PCDH9: variants seen among roughly 807,000 people sequenced by gnomAD.
PCDH9 encodes protocadherin-9.
A neutral mutation model predicts 70.6 loss-of-function variants in PCDH9; 24 were observed. The ratio of observed to expected loss-of-function variants is 0.34; its 90% CI spans 0.25 to 0.48. The LOEUF (loss-of-function observed/expected upper bound fraction) is 0.48. PCDH9 is among the 20% of genes least tolerant of loss of function. The pLI is 0.99. For missense variants in PCDH9, 1,281 were observed against 1,503.6 expected (o/e 0.85, Z 2.45); for synonymous variants, 562 against 558.5 (o/e 1.01, Z -0.09).
intron 3 of PCDH9, among the ~76,000 whole-genome samples, chr13:66,868,341 G>A (rs1015621555): frequency 6.6e-6 from 1 of 151,402 alleles, no homozygotes; most frequent in Non-Finnish European, 1.5e-5. Context: ...TGACTAACTC[G>A]TTTTCAAGTC....
chr13:66,616,262 T>G (rs570166472), intron 4 of PCDH9, among the ~76,000 whole-genome samples: 28 of 152,326 alleles, frequency 1.8e-4, no homozygotes, highest in Non-Finnish European at 3.7e-4. Flanking sequence ...TTATCTGAGA[T>G]TCTTGTGGAA....
chr13:67,006,022 T>C (rs990184058), intron 2 of PCDH9, among the ~76,000 whole-genome samples: 2 of 152,140 alleles, frequency 1.3e-5, no homozygotes, highest in African/African-American at 2.4e-5. Flanking sequence ...GTCAGGAGAC[T>C]GAGACCATCC....
intron 2 of PCDH9, among the ~76,000 whole-genome samples, chr13:66,910,942 T>G (rs958112612): frequency 6.6e-6 from 1 of 152,178 alleles, no homozygotes; most frequent in Non-Finnish European, 1.5e-5. Flanking sequence ...AGGCTTTTCT[T>G]AAGAAACTTT....
At chr13:66,630,132 TAAAC>T (rs892921390) in intron 4 of PCDH9, among the ~76,000 whole-genome samples, 5 of 152,212 alleles carry the variant, frequency 3.3e-5, no homozygotes, top group Admixed American at 2.0e-4. Flanking sequence ...TAAGATGAGT[TAAAC>T]AAACAAACAA....
At position 66,527,791 on chromosome 13, in the gene PCDH9, G is replaced by A. The variant is rs538850192; in HGVS notation, c.3340+103419C>T. ...CCAGCACTCTGGGAGGCCAAGGCGG[G>A]CAGATCACTTGAGGTCAGGAGTTCA... On this transcript the variant is annotated intron_variant, in intron 4 of 4. Coordinates refer to ENST00000377865, the MANE Select transcript of PCDH9 (RefSeq NM_203487.3). Among the ~76,000 whole-genome samples the A allele has an allele frequency of 2.0e-5, 3 of 152,256 alleles. No individual in the cohort carries two copies. In the East Asian group the frequency reaches 5.8e-4, roughly 29 times the overall value.
At chr13:66,541,477 GA>G (rs889527488) in intron 4 of PCDH9, among the ~76,000 whole-genome samples, 13 of 151,946 alleles carry the variant, frequency 8.6e-5, no homozygotes, top group East Asian at 3.9e-4. Flanking sequence ...AAGGCACTAG[GA>G]AAAAAAATAT....
chr13:66,969,864 A>G (rs1318572524), intron 2 of PCDH9, among the ~76,000 whole-genome samples: 1 of 152,028 alleles, frequency 6.6e-6, no homozygotes, highest in African/African-American at 2.4e-5. Flanking sequence ...GCTGCTTTTT[A>G]TTTTGGAGAG....
chr13:66,767,939 C>A (rs2079744872), intron 3 of PCDH9, among the ~76,000 whole-genome samples: 1 of 152,014 alleles, frequency 6.6e-6, no homozygotes, highest in South Asian at 2.1e-4. Context: ...GTACAGTGGG[C>A]AGACTTGAAA....
intron 4 of PCDH9, among the ~76,000 whole-genome samples, chr13:66,378,174 A>T (rs552714326): frequency 6.6e-6 from 1 of 152,204 alleles, no homozygotes; most frequent in Non-Finnish European, 1.5e-5. Context: ...GAGAAGTGCA[A>T]TCTGTGTGTT....
At chr13:67,095,893 G>A (rs2086309502) in intron 2 of PCDH9, among the ~76,000 whole-genome samples, 1 of 152,064 alleles carries the variant, frequency 6.6e-6, no homozygotes, top group Non-Finnish European at 1.5e-5. Context: ...CAATTAAATA[G>A]AAACTAAATG....
At position 67,230,062 on chromosome 13, in the gene PCDH9, T is replaced by G. The variant is rs1443593942; in HGVS notation, c.-418A>C. 6.6e-6 allele frequency: 1 copy of G among 152,314 alleles called. No individual in the cohort carries two copies. Among genetic ancestry groups the G allele is most frequent in the African/African-American group, 2.4e-5 (1 of 41,468 alleles). The allele number at this position is 152,314 out of a possible 1,614,324, so 9.4% of individuals were successfully genotyped here. ...TAGCACACACAACACATAGTTGCAC[T>G]TCTTCAGCTCAGGGATATTTTCCAC... On this transcript the variant is annotated 5_prime_UTR_variant, in exon 1 of 5. Coordinates refer to ENST00000377865, the MANE Select transcript of PCDH9 (RefSeq NM_203487.3).
chr13:67,084,739 G>T (rs376017785), intron 2 of PCDH9, among the ~76,000 whole-genome samples: 6 of 151,310 alleles, frequency 4.0e-5, no homozygotes, highest in Non-Finnish European at 5.9e-5. Context: ...GGTGGCTGAG[G>T]GGGGGGATCA....
At chr13:67,075,072 A>T (rs967372974) in intron 2 of PCDH9, among the ~76,000 whole-genome samples, 2 of 151,126 alleles carry the variant, frequency 1.3e-5, no homozygotes, top group African/African-American at 4.9e-5. Context: ...TTAGTGTGAT[A>T]GTGACAAAAA....
chr13:66,826,385 A>G, intron 3 of PCDH9, among the ~76,000 whole-genome samples: 1 of 152,214 alleles, frequency 6.6e-6, no homozygotes, highest in East Asian at 1.9e-4. Flanking sequence ...GTTACAGTCC[A>G]TTAGTAAAAG....
chr13:66,336,007 T>A (rs1013436703), intron 4 of PCDH9, among the ~76,000 whole-genome samples: 3 of 151,970 alleles, frequency 2.0e-5, no homozygotes, highest in Non-Finnish European at 2.9e-5. Flanking sequence ...TTCCCCAACA[T>A]CCTCTGGACT....
chr13:66,559,817 A>AAAAAT (rs71677008), intron 4 of PCDH9, among the ~76,000 whole-genome samples: 83 of 93,078 alleles, frequency 8.9e-4, no homozygotes, highest in African/African-American at 2.2e-3. Flanking sequence ...AAAAAAAAAA[A>AAAAAT]ATATATATAT....
At chr13:67,207,034 T>C (rs1381708599) in intron 2 of PCDH9, 1 of 152,086 alleles carries the variant, frequency 6.6e-6, no homozygotes, top group African/African-American at 2.4e-5. Flanking sequence ...ACTTTTCACA[T>C]ATACTGTCTG....
At chr13:66,457,969 G>C (rs767157418) in intron 4 of PCDH9, among the ~76,000 whole-genome samples, 5 of 151,874 alleles carry the variant, frequency 3.3e-5, no homozygotes, top group Non-Finnish European at 5.9e-5. Flanking sequence ...AGTTTTGTGT[G>C]TATATATATT....
intron 3 of PCDH9, among the ~76,000 whole-genome samples, chr13:66,718,101 T>G (rs2078895019): frequency 6.6e-6 from 1 of 152,214 alleles, no homozygotes; most frequent in African/African-American, 2.4e-5. Context: ...CTCTCACTAC[T>G]GTGCTTTTTA....
Sources: gnomAD v4.1 joint callset for allele counts (sites outside exome capture counted in the v4.1 genomes callset) on GRCh38, gnomAD v4.1.1 for gene constraint, MANE v1.5 for transcripts, NCBI Gene and HGNC (gene_info 2026-07-23, HGNC 2026-07-21) for gene names.